SLC24A3: variants seen among roughly 807,000 people sequenced by gnomAD.
The protein encoded by SLC24A3 is solute carrier family 24 member 3.
A neutral mutation model predicts 75.8 loss-of-function variants in SLC24A3; 28 were observed. That is an observed-to-expected ratio of 0.37 (90% CI 0.27 to 0.51). The LOEUF is 0.51. Among genes scored for constraint, SLC24A3 ranks in the 20% least tolerant of loss-of-function variants. SLC24A3 has a pLI of 0.94. For synonymous variants in SLC24A3, 372 were observed against 334.1 expected, an observed-to-expected ratio of 1.11 and a Z score of -1.24; for missense variants, 663 against 847.8, an observed-to-expected ratio of 0.78 and a Z score of 2.71.
intron 2 of SLC24A3, among the ~76,000 whole-genome samples, chr20:19,477,693 C>T (rs1432560884): frequency 1.3e-5 from 2 of 152,074 alleles, no homozygotes; most frequent in Non-Finnish European, 2.9e-5. Context: ...GTGCCATGTA[C>T]CTAAAGTGTC....
At chr20:19,255,275 C>A (rs1982780639) in intron 1 of SLC24A3, among the ~76,000 whole-genome samples, 2 of 152,224 alleles carry the variant, frequency 1.3e-5, no homozygotes, top group African/African-American at 4.8e-5. Flanking sequence ...CTCTTGCTGC[C>A]TGTCAGTGGT....
intron 6 of SLC24A3, among the ~76,000 whole-genome samples, chr20:19,644,069 T>A (rs2032106030): frequency 6.6e-6 from 1 of 152,156 alleles, no homozygotes; most frequent in African/African-American, 2.4e-5. Flanking sequence ...CCCCAGCATC[T>A]TAAACAGGGT....
chr20:19,516,510 C>T (rs2029991710), intron 3 of SLC24A3, among the ~76,000 whole-genome samples: 1 of 152,348 alleles, frequency 6.6e-6, no homozygotes, highest in African/African-American at 2.4e-5. Context: ...AGTGGGAATG[C>T]TGCTCCACGG....
intron 2 of SLC24A3, among the ~76,000 whole-genome samples, chr20:19,289,546 C>T (rs752860175): frequency 1.3e-5 from 2 of 152,210 alleles, no homozygotes; most frequent in African/African-American, 2.4e-5. Context: ...GGTATTACAG[C>T]GGGGTGCTGG....
chr20:19,394,872 T>C (rs1986426370), intron 2 of SLC24A3, among the ~76,000 whole-genome samples: 2 of 152,186 alleles, frequency 1.3e-5, no homozygotes, highest in African/African-American at 4.8e-5. Context: ...TCTAGGTATA[T>C]GCCTGAAGGA....
At chr20:19,570,872 C>T (rs939611985) in intron 3 of SLC24A3, among the ~76,000 whole-genome samples, 11 of 152,264 alleles carry the variant, frequency 7.2e-5, no homozygotes, top group African/African-American at 2.6e-4. Flanking sequence ...CCTTAGCAAA[C>T]TCACGAATTC....
chr20:19,528,856 C>CTTCTG (rs1568645605), intron 3 of SLC24A3, among the ~76,000 whole-genome samples: 2 of 152,162 alleles, frequency 1.3e-5, no homozygotes, highest in East Asian at 3.9e-4. Context: ...ATGGGACCAG[C>CTTCTG]GGTTTGACTG....
intron 2 of SLC24A3, among the ~76,000 whole-genome samples, chr20:19,374,942 C>CT (rs1746277969): frequency 6.6e-6 from 1 of 152,160 alleles, no homozygotes; most frequent in Admixed American, 6.5e-5. Flanking sequence ...CCCCAGCTCC[C>CT]TTACCCCTTG....
intron 9 of SLC24A3, among the ~76,000 whole-genome samples, chr20:19,678,875 C>A (rs568823987): frequency 6.6e-6 from 1 of 151,510 alleles, no homozygotes; most frequent in Non-Finnish European, 1.5e-5. Context: ...GGGTCGCGGC[C>A]GGGCAGAGGC....
In SLC24A3 at chr20:19,696,792, T is replaced by C; in HGVS notation, c.1492-5T>C. 3 of 1,611,010 alleles carry C rather than the reference T, an allele frequency of 1.9e-6. No individual in the cohort carries two copies. Among genetic ancestry groups the C allele is most frequent in the Non-Finnish European group, 2.5e-6 (3 of 1,177,284 alleles). The stretch of plus-strand genomic sequence containing the variant: ...CAGCTGACCACCTCTTCCTGCTCCT[T>C]CTAGGTCACAATCATTGGTTACACC... On this transcript the variant is annotated splice_polypyrimidine_tract_variant and splice_region_variant and intron_variant, in intron 13 of 16. Transcript: ENST00000328041.
intron 2 of SLC24A3, among the ~76,000 whole-genome samples, chr20:19,407,044 G>A (rs561165739): frequency 1.3e-5 from 2 of 152,226 alleles, no homozygotes; most frequent in African/African-American, 4.8e-5. Flanking sequence ...GGTGAACCAG[G>A]TAGTTTCTAC....
At chr20:19,277,601 C>G (rs1600407130) in intron 1 of SLC24A3, among the ~76,000 whole-genome samples, 1 of 152,176 alleles carries the variant, frequency 6.6e-6, no homozygotes, top group Non-Finnish European at 1.5e-5. Flanking sequence ...AGACTCTGGT[C>G]TCTGTGTTAT....
At chr20:19,234,125 C>T (rs1035145334) in intron 1 of SLC24A3, among the ~76,000 whole-genome samples, 1 of 152,168 alleles carries the variant, frequency 6.6e-6, no homozygotes, top group Non-Finnish European at 1.5e-5. Flanking sequence ...TTGCACAGCT[C>T]GGATTTCTTC....
intron 2 of SLC24A3, among the ~76,000 whole-genome samples, chr20:19,304,644 G>T (rs1483951777): frequency 6.6e-6 from 1 of 152,094 alleles, no homozygotes; most frequent in African/African-American, 2.4e-5. Flanking sequence ...CTGTGGTTAG[G>T]TTAATTTTTT....
At chr20:19,250,852 CTTATAGGATGGAA>C (rs1291196870) in intron 1 of SLC24A3, among the ~76,000 whole-genome samples, 1 of 152,086 alleles carries the variant, frequency 6.6e-6, no homozygotes, top group East Asian at 1.9e-4. Flanking sequence ...TCATAATGGC[CTTATAGGATGGAA>C]ATTGTTATCT....
chr20:19,373,866 A>T (rs935604010), intron 2 of SLC24A3, among the ~76,000 whole-genome samples: 2 of 152,024 alleles, frequency 1.3e-5, no homozygotes, highest in African/African-American at 2.4e-5. Context: ...CAGCGGTGGG[A>T]GCAGGGTGGG....
intron 2 of SLC24A3, among the ~76,000 whole-genome samples, chr20:19,386,284 C>G (rs1384963027): frequency 6.6e-6 from 1 of 152,176 alleles, no homozygotes; most frequent in African/African-American, 2.4e-5. Context: ...TGAAACTTTA[C>G]TGAATTTATT....
rs1600447915 is a variant in SLC24A3, at chr20:19,361,115, C to T, written c.271+80028C>T. On this transcript the variant is annotated intron_variant, in intron 2 of 16. Transcript: ENST00000328041. ...GTGCTGGGATTACAGGCGTGAACCA[C>T]TGCACCCGGCCAGAAATTTTAACTC... Among the ~76,000 whole-genome samples the T allele has an allele frequency of 2.6e-5, 4 of 152,374 alleles. No individual in the cohort carries two copies. In the South Asian group the frequency reaches 8.3e-4, roughly 32 times the overall value.
At chr20:19,695,885 C>T (rs1202020042) in intron 13 of SLC24A3, among the ~76,000 whole-genome samples, 1 of 152,136 alleles carries the variant, frequency 6.6e-6, no homozygotes, top group African/African-American at 2.4e-5. Context: ...TGAGCTGTTT[C>T]ACTTAAGATG....
Sources: allele counts gnomAD v4.1 joint callset (sites outside exome capture counted in the v4.1 genomes callset), GRCh38; gene constraint gnomAD v4.1.1; transcripts MANE v1.5; gene names NCBI Gene and HGNC (gene_info 2026-07-23, HGNC 2026-07-21).